DCUN1D2: variants seen among roughly 807,000 people sequenced by gnomAD.
DCUN1D2 encodes the protein defective in cullin neddylation 1 domain containing 2.
A neutral mutation model predicts 30.9 loss-of-function variants in DCUN1D2; 29 were observed. That is an observed-to-expected ratio of 0.94 (90% confidence interval 0.70 to 1.28). The LOEUF is 1.28. DCUN1D2 is among the 50% of genes most tolerant of loss of function. The pLI is 0.00. For synonymous variants in DCUN1D2, 121 were observed against 115.3 expected (o/e 1.05, Z -0.32); for missense variants, 325 against 316.9 (o/e 1.03, Z -0.19).
At chr13:113,490,809 C>T, upstream of DCUN1D2, 2 of 778,570 alleles carry the variant, frequency 2.6e-6, no homozygotes, top group Non-Finnish European at 3.3e-6. The surrounding 1 kb of genome is among the most constrained non-coding windows in gnomAD (Gnocchi z 5.2). Flanking sequence ...CCACTCCCGG[C>T]ATGCTCAGCG....
intron 4 of DCUN1D2, among the ~76,000 whole-genome samples, chr13:113,463,930 C>A (rs1297484409): frequency 6.6e-6 from 1 of 152,200 alleles, no homozygotes; most frequent in Non-Finnish European, 1.5e-5. Context: ...TTGTCTTGAC[C>A]TGTTCAATTT....
intron 2 of DCUN1D2, among the ~76,000 whole-genome samples, chr13:113,482,642 G>A (rs1312689190): frequency 6.6e-6 from 1 of 152,012 alleles, no homozygotes; most frequent in Non-Finnish European, 1.5e-5. Context: ...AAAAACGAAA[G>A]TAATAAATAA....
intron 5 of DCUN1D2, 89 bp from the exon 6 acceptor site, chr13:113,459,497 A>C (rs2044283876): frequency 1.5e-6 from 1 of 653,458 alleles, no homozygotes; most frequent in Non-Finnish European, 2.8e-6. Flanking sequence ...ATCTTCAATT[A>C]ATGTTCATTA....
chr13:113,490,865 T>A (rs1309456396), upstream of DCUN1D2: 1 of 321,720 alleles, frequency 3.1e-6, no homozygotes, highest in Non-Finnish European at 5.1e-6. The surrounding 1 kb of genome is among the most constrained non-coding windows in gnomAD (Gnocchi z 5.2). Flanking sequence ...CCCCTGCGCG[T>A]CCAGCCCTCT....
chr13:113,458,238 T>G (rs1209183005), intron 6 of DCUN1D2, 130 bp from the exon 7 acceptor site: 2 of 820,402 alleles, frequency 2.4e-6, no homozygotes, highest in African/African-American at 3.4e-5. Flanking sequence ...CATTTGTGTT[T>G]CACAGAATGA....
intron 1 of DCUN1D2, among the ~76,000 whole-genome samples, chr13:113,487,531 T>C (rs1347719595): frequency 6.6e-6 from 1 of 152,128 alleles, no homozygotes. Context: ...CCAGCCACAG[T>C]GCACGAGTCC....
rs2044622992 is a variant in DCUN1D2 at position 113,476,679 on chromosome 13, T to A, written c.390-2425A>T. ...TAATACACTCTATCGGCATTTTTCTTTATGGTGATTTATTGTTTTTGTTGA... is the reference window on the plus strand; with the variant it reads ...TAATACACTCTATCGGCATTTTTCTATATGGTGATTTATTGTTTTTGTTGA... On this transcript the variant is annotated intron_variant, in intron 3 of 6. Coordinates refer to ENST00000478244, the MANE Select transcript of DCUN1D2 (RefSeq NM_001014283.2). Among the ~76,000 whole-genome samples, 3 of 152,224 alleles carry A rather than the reference T, an allele frequency of 2.0e-5. No individual in the cohort carries two copies. In the South Asian group the frequency reaches 6.2e-4, roughly 32 times the overall value.
chr13:113,485,540 G>A (rs1379765755), intron 1 of DCUN1D2, among the ~76,000 whole-genome samples: 1 of 151,564 alleles, frequency 6.6e-6, no homozygotes, highest in Non-Finnish European at 1.5e-5. Flanking sequence ...AGACCCTTCT[G>A]GCCTAAAACC....
rs757310694 is a variant in DCUN1D2, at chr13:113,458,045, T to A, written c.764A>T (p.Lys255Ile). 5 of 1,614,056 alleles carry A rather than the reference T, an allele frequency of 3.1e-6. No individual in the cohort carries two copies. The highest frequency in any genetic ancestry group is 3.3e-5 in the Admixed American group (2 of 59,998). ...ACTTGCTGCCTAGAAAAGGCTGCGTTTTCCACCTGTGACTACTGGCCGTGC... is the reference window on the plus strand; with the variant it reads ...ACTTGCTGCCTAGAAAAGGCTGCGTATTCCACCTGTGACTACTGGCCGTGC... ...EYARPVVTGG[K>I]RSLF The change falls in exon 7 of 7, where the codon AAA (lysine) becomes ATA (isoleucine). Residue 255 changes from lysine to isoleucine, a missense_variant. By Grantham distance (102) the Lys-to-Ile change is moderately radical. Transcript: ENST00000478244.
Position 113,490,711 on chromosome 13 carries a change from C to T in DCUN1D2, c.-42G>A. 1 of 1,197,944 alleles carries T rather than the reference C, an allele frequency of 8.3e-7. No homozygotes were observed. The highest frequency in any genetic ancestry group is 1.0e-6 in the Non-Finnish European group (1 of 966,186). The allele number at this position is 1,197,944 out of a possible 1,614,324, so 74.2% of individuals were successfully genotyped here. ...GCTTCTGGCCGGCCCCGGCCTTCTGCGCAGGCGCGGCGGCGGCTCCGCCCT... is the reference window on the plus strand; with the variant it reads ...GCTTCTGGCCGGCCCCGGCCTTCTGTGCAGGCGCGGCGGCGGCTCCGCCCT... On this transcript the variant is annotated 5_prime_UTR_variant, in exon 1 of 7. Coordinates refer to ENST00000478244, the MANE Select transcript of DCUN1D2 (RefSeq NM_001014283.2). This position sits in a 1 kb window ranked among gnomAD's most constrained non-coding sequence, Gnocchi z 5.2.
chr13:113,479,951 A>C (rs973344442), intron 3 of DCUN1D2, among the ~76,000 whole-genome samples: 2 of 152,166 alleles, frequency 1.3e-5, no homozygotes, highest in Non-Finnish European at 2.9e-5. Context: ...GGGATGTAGG[A>C]ATTTTTTAGC....
intron 3 of DCUN1D2, among the ~76,000 whole-genome samples, chr13:113,479,384 T>C (rs147980942): frequency 1.1e-4 from 16 of 152,322 alleles, no homozygotes; most frequent in African/African-American, 3.8e-4. Context: ...TGGTCCTCCT[T>C]ATCTGTAGAG....
At chr13:113,459,781 A>G (rs1267664395) in intron 5 of DCUN1D2, among the ~76,000 whole-genome samples, 1 of 152,208 alleles carries the variant, frequency 6.6e-6, no homozygotes, top group East Asian at 1.9e-4. Context: ...ATCAAATTAC[A>G]CATAGTTTTC....
Position 113,490,596 on chromosome 13 carries a change from C to A in DCUN1D2, c.3+71G>T. ...GCTCGGCCTCCCACATCCAGCGCGC[C>A]GCCTGCGCCGACCTTGGGGCCCGAC... On this transcript the variant is annotated intron_variant, in intron 1 of 6. Coordinates refer to ENST00000478244, the MANE Select transcript of DCUN1D2 (RefSeq NM_001014283.2). The surrounding 1 kb of genome is among the most constrained non-coding windows in gnomAD (Gnocchi z 5.2). 8.3e-7 allele frequency: 1 copy of A among 1,202,166 alleles called. No homozygotes were observed. The highest frequency in any genetic ancestry group is 3.5e-5 in the South Asian group (1 of 28,982). The allele number at this position is 1,202,166 out of a possible 1,614,324, so 74.5% of individuals were successfully genotyped here.
rs2044957596 is a variant in DCUN1D2 at position 113,490,699 on chromosome 13, C to G, written c.-30G>C. 2.5e-6 allele frequency: 3 copies of G among 1,217,892 alleles called. No individual in the cohort carries two copies. Among genetic ancestry groups the G allele is most frequent in the East Asian group, 3.7e-5 (1 of 27,338 alleles). 75.4% of individuals were successfully genotyped at this position (1,217,892 alleles called of 1,614,324 possible). A position where few individuals can be genotyped will look rare whatever the true frequency, so the allele number is the denominator to read the frequency against. On this transcript the variant is annotated 5_prime_UTR_variant, in exon 1 of 7. Coordinates refer to ENST00000478244, the MANE Select transcript of DCUN1D2 (RefSeq NM_001014283.2). This position sits in a 1 kb window ranked among gnomAD's most constrained non-coding sequence, Gnocchi z 5.2. The stretch of plus-strand genomic sequence containing the variant: ...CCCGCGCCGCCCGCTTCTGGCCGGC[C>G]CCGGCCTTCTGCGCAGGCGCGGCGG...
intron 4 of DCUN1D2, among the ~76,000 whole-genome samples, chr13:113,469,551 C>T (rs1362231318): frequency 1.3e-5 from 2 of 152,184 alleles, no homozygotes; most frequent in South Asian, 2.1e-4. Context: ...GCACAGTCTG[C>T]GTGCCTACAG....
chr13:113,464,597 C>A (rs2044371146), intron 4 of DCUN1D2, among the ~76,000 whole-genome samples: 1 of 152,244 alleles, frequency 6.6e-6, no homozygotes, highest in Non-Finnish European at 1.5e-5. Context: ...CAGGACGGGG[C>A]AGTTGGACGT....
At chr13:113,472,027 C>A (rs897042002) in intron 4 of DCUN1D2, among the ~76,000 whole-genome samples, 1 of 151,960 alleles carries the variant, frequency 6.6e-6, no homozygotes, top group African/African-American at 2.4e-5. Context: ...AGTGTATTAC[C>A]CCCCCAACCC....
chr13:113,491,446 C>T (rs1280164962), upstream of DCUN1D2, among the ~76,000 whole-genome samples: 2 of 150,860 alleles, frequency 1.3e-5, no homozygotes, highest in African/African-American at 2.4e-5. Context: ...CTCTCCCTCC[C>T]CGGGGCTCCC....
Sources: gnomAD v4.1 joint callset for allele counts (sites outside exome capture counted in the v4.1 genomes callset) on GRCh38, gnomAD v4.1.1 for gene constraint, Gnocchi (gnomAD v3.1) non-coding constraint, MANE v1.5 for transcripts, NCBI Gene and HGNC (gene_info 2026-07-23, HGNC 2026-07-21) for gene names.